Variants in ANKLE2 observed in about 807,000 individuals in gnomAD.
ANKLE2 encodes the protein ankyrin repeat and LEM domain-containing protein 2.
A neutral mutation model predicts 84.2 loss-of-function variants in ANKLE2; 55 were observed. That is an observed-to-expected ratio of 0.65 (90% CI 0.53 to 0.82). The LOEUF is 0.82. ANKLE2 is among the 40% of genes least tolerant of loss of function. ANKLE2 has a pLI of 0.00. For synonymous variants in ANKLE2, 551 were observed against 486.1 expected (o/e 1.13, Z -1.76); for missense variants, 1,238 against 1,201.9 (o/e 1.03, Z -0.44).
intron 6 of ANKLE2, chr12:132,742,648 G>C (rs150981474): frequency 7.5e-6 from 1 of 133,954 alleles, no homozygotes; most frequent in Non-Finnish European, 1.6e-5. Context: ...ACAGCACCTG[G>C]TGCACACTGA....
chr12:132,734,420 C>T lies in ANKLE2; in HGVS notation c.1856G>A (p.Arg619Gln), dbSNP rs776858676. Residue 619 changes from arginine (R) to glutamine (Q), a missense_variant, in exon 10 of 13, where the codon CGG becomes CAG. By Grantham distance (43) the Arg-to-Gln change is conservative (BLOSUM62 1). Coordinates refer to ENST00000357997, the MANE Select transcript of ANKLE2 (RefSeq NM_015114.3). ...GGCTTTATCTCGGCAGGAGGCTTCC[C>T]GTTCTCCTGTTTCTTGTTGAGCCTT... ...GKKAQQETGE[R>Q]EASCRDKATT... The T allele has an allele frequency of 1.7e-5, 28 of 1,614,130 alleles. No homozygotes were observed. The highest frequency in any genetic ancestry group is 4.4e-5 in the South Asian group (4 of 91,072).
At chr12:132,744,837 C>T (rs1220884321) in intron 5 of ANKLE2, among the ~76,000 whole-genome samples, 2 of 152,140 alleles carry the variant, frequency 1.3e-5, no homozygotes, top group Admixed American at 6.5e-5. Flanking sequence ...CCCGCCACCA[C>T]GCCCAGCTAA....
chr12:132,727,180 A>G lies in ANKLE2; in HGVS notation c.*62T>C, dbSNP rs1045126082. 16 of 1,431,684 alleles carry G rather than the reference A, an allele frequency of 1.1e-5. No individual in the cohort carries two copies. In the African/African-American group the frequency reaches 2.2e-4, roughly 19 times the overall value. The allele number at this position is 1,431,684 out of a possible 1,614,324, so 88.7% of individuals were successfully genotyped here. On this transcript the variant is annotated 3_prime_UTR_variant, in exon 13 of 13. Coordinates refer to ENST00000357997, the MANE Select transcript of ANKLE2 (RefSeq NM_015114.3). ...ATATATTCCTTTTTGACAGTTTAGC[A>G]ATAAACATATGACCCTTCCTTCTTT...
Position 132,754,732 on chromosome 12 carries a change from C to A in ANKLE2, c.583G>T (p.Glu195Ter). Reference protein sequence around the residue: ...TYRAGATASKEPPLYYGVCPV... With the variant: ...TYRAGATASK The stretch of plus-strand genomic sequence containing the variant: ...CACACCCCATAGTACAGGGGCGGCT[C>A]CTTAGACGCAGTCGCTCCAGCTCTG... The change falls in exon 2 of 13, where the codon GAG (glutamate) becomes TAG (stop). Residue 195 changes from glutamate (E) to a stop codon, truncating the protein, a stop_gained. Coordinates refer to ENST00000357997, the MANE Select transcript of ANKLE2 (RefSeq NM_015114.3). LOFTEE classifies it high-confidence loss of function. The A allele has an allele frequency of 6.2e-7, 1 of 1,614,126 alleles. No homozygotes were observed. Among genetic ancestry groups the A allele is most frequent in the Non-Finnish European group, 8.5e-7 (1 of 1,180,014 alleles).
In ANKLE2 at chr12:132,730,480, C is replaced by T. The variant is rs552494191; in HGVS notation, c.1892-210G>A. The T allele has an allele frequency of 7.8e-5, 43 of 549,020 alleles. 1 individual carries two copies. The South Asian group carries it at 1.2e-3, about 15-fold the overall frequency. 34.0% of individuals were successfully genotyped at this position (549,020 alleles called of 1,614,324 possible). A position where few individuals can be genotyped will look rare whatever the true frequency, so the allele number is the denominator to read the frequency against. On this transcript the variant is annotated intron_variant, in intron 10 of 12. Coordinates refer to ENST00000357997, the MANE Select transcript of ANKLE2 (RefSeq NM_015114.3). ...CTCATCAGATTTCAGGATGGAAAAC[C>T]ACCCACACGACTCCCTGGAAAAGGG...
Position 132,727,356 on chromosome 12 carries a change from G to C in ANKLE2, c.2703C>G (p.Ser901Arg). The change falls in exon 13 of 13, where the codon AGC (serine) becomes AGG (arginine). Residue 901 changes from serine to arginine, a missense_variant. Coordinates refer to ENST00000357997, the MANE Select transcript of ANKLE2 (RefSeq NM_015114.3). ...GCTTTGCGGGGTTGCTTCCAGCCAC[G>C]CTGTTTCTCCCCGGACTGTAGCTGT... is the stretch of plus-strand genomic sequence containing the variant. ...GPHSYSPGRNSVAGSNPAKPG... is the reference protein window; with the variant it reads ...GPHSYSPGRNRVAGSNPAKPG... 1.3e-6 allele frequency: 2 copies of C among 1,562,020 alleles called. No homozygotes were observed. The highest frequency in any genetic ancestry group is 2.4e-5 in the South Asian group (2 of 84,766).
chr12:132,746,239 C>T (rs1330195496), intron 5 of ANKLE2, among the ~76,000 whole-genome samples: 1 of 151,672 alleles, frequency 6.6e-6, no homozygotes. Context: ...GTCCCAGCTA[C>T]TCGGGAGGCT....
At chr12:132,731,725 A>G (rs1211240523) in intron 10 of ANKLE2, 1 of 152,242 alleles carries the variant, frequency 6.6e-6, no homozygotes, top group African/African-American at 2.4e-5. Flanking sequence ...CTGGGATTAT[A>G]GTGTGAGCCG....
At chr12:132,755,680 C>T (rs1322096459) in intron 1 of ANKLE2, 1 of 151,006 alleles carries the variant, frequency 6.6e-6, no homozygotes, top group Non-Finnish European at 1.5e-5. Context: ...CCAGCCTCAG[C>T]CTCCCAAGTA....
Position 132,734,777 on chromosome 12 carries a change from G to T in ANKLE2, c.1701-202C>A, listed in dbSNP as rs527380790. The T allele has an allele frequency of 1.9e-4, 109 of 570,206 alleles. 1 individual carries two copies. Among genetic ancestry groups the T allele is most frequent in the Middle Eastern group, 9.3e-4 (2 of 2,154 alleles). 35.3% of individuals were successfully genotyped at this position (570,206 alleles called of 1,614,324 possible). A position where few individuals can be genotyped will look rare whatever the true frequency, so the allele number is the denominator to read the frequency against. On this transcript the variant is annotated intron_variant, in intron 9 of 12. Transcript: ENST00000357997. ...GCCTCCTCACAGGTAAGCAGGACCCGGCACAGCTCTCAGGAGCCGTGAACC... is the reference window on the plus strand; with the variant it reads ...GCCTCCTCACAGGTAAGCAGGACCCTGCACAGCTCTCAGGAGCCGTGAACC...
chr12:132,750,591 G>A, intron 3 of ANKLE2, 52 bp downstream of exon 3: 1 of 1,593,282 alleles, frequency 6.3e-7, no homozygotes, highest in African/African-American at 1.3e-5. Context: ...CACAAAACAG[G>A]GTGGGATCAA....
At position 132,730,005 on chromosome 12, in the gene ANKLE2, G is replaced by C. The variant is rs1373840284; in HGVS notation, c.2157C>G (p.Pro719=). 1 of 1,613,104 alleles carries C rather than the reference G, an allele frequency of 6.2e-7. No individual in the cohort carries two copies. Among genetic ancestry groups the C allele is most frequent in the Non-Finnish European group, 8.5e-7 (1 of 1,179,884 alleles). ...RTLAGKRPKA[P]RGEEAHLPPV... The stretch of plus-strand genomic sequence containing the variant: ...GTGGCAGATGGGCTTCCTCCCCACG[G>C]GGGGCCTTTGGTCTCTTGCCCGCCA... The change falls in exon 11 of 13, where the codon CCC becomes CCG. Residue 719 remains proline (P), a synonymous_variant. Coordinates refer to ENST00000357997, the MANE Select transcript of ANKLE2 (RefSeq NM_015114.3).
intron 5 of ANKLE2, among the ~76,000 whole-genome samples, chr12:132,746,105 C>T (rs1353347038): frequency 2.6e-5 from 4 of 152,134 alleles, no homozygotes; most frequent in Admixed American, 2.6e-4. Context: ...TCCCAGCACT[C>T]TGGGAGGCCA....
intron 5 of ANKLE2, among the ~76,000 whole-genome samples, chr12:132,744,652 C>T (rs1245342305): frequency 2.0e-5 from 3 of 152,182 alleles, no homozygotes; most frequent in Non-Finnish European, 2.9e-5. Flanking sequence ...GGCTGGCAAG[C>T]TTTCTTGGAC....
intron 1 of ANKLE2, chr12:132,759,159 C>T (rs1363923875): frequency 1.6e-4 from 6 of 36,918 alleles, no homozygotes; most frequent in Admixed American, 5.8e-4. Context: ...CAGAGAGGAT[C>T]GCTGCGGAGT....
At chr12:132,755,480 G>A (rs920081737) in intron 1 of ANKLE2, 1 of 170,778 alleles carries the variant, frequency 5.9e-6, no homozygotes, top group African/African-American at 2.4e-5. Context: ...AGGAGGCGGA[G>A]GCTGCAATTA....
At chr12:132,733,630 C>G (rs2043942744) in intron 10 of ANKLE2, among the ~76,000 whole-genome samples, 1 of 150,832 alleles carries the variant, frequency 6.6e-6, no homozygotes. Context: ...GTGTGAAGCT[C>G]TCTGCGTCCT....
chr12:132,748,099 G>A (rs930210659), intron 4 of ANKLE2, 39 bp downstream of exon 4: 36 of 1,608,246 alleles, frequency 2.2e-5, no homozygotes, highest in African/African-American at 5.4e-5. Flanking sequence ...TGGAACGGCC[G>A]GGACCGCACA....
At chr12:132,738,551 G>C (rs1318681798) in intron 7 of ANKLE2, 1 of 149,712 alleles carries the variant, frequency 6.7e-6, no homozygotes, top group Admixed American at 6.7e-5. Context: ...TGGAAACAGA[G>C]TCTCGCTCTG....
Sources: gnomAD v4.1 joint callset for allele counts (sites outside exome capture counted in the v4.1 genomes callset) on GRCh38, gnomAD v4.1.1 for gene constraint, MANE v1.5 for transcripts, NCBI Gene and HGNC (gene_info 2026-07-23, HGNC 2026-07-21) for gene names.